The following PTPRT variants were observed in gnomAD, a reference collection of about 807,000 sequenced individuals.
The protein encoded by PTPRT is receptor-type tyrosine-protein phosphatase T.
A neutral mutation model predicts 176.8 loss-of-function variants in PTPRT; 56 were observed. The observed-to-expected ratio is 0.32, with a 90% CI of 0.26 to 0.40. The LOEUF (loss-of-function observed/expected upper bound fraction) is 0.40, where lower values mean the gene tolerates loss of function less well. Ranked by LOEUF, PTPRT falls within the 10% of genes least tolerant of loss-of-function variation. PTPRT has a pLI of 1.00. For synonymous variants in PTPRT, 783 were observed against 739.0 expected, an observed-to-expected ratio of 1.06 and a Z score of -0.96; for missense variants, 1,540 against 1,908.2, an observed-to-expected ratio of 0.81 and a Z score of 3.60.
At chr20:42,528,421 TATCCATTCATTATCCATTC>T (rs901145901) in intron 7 of PTPRT, among the ~76,000 whole-genome samples, 1 of 146,582 alleles carries the variant, frequency 6.8e-6, no homozygotes, top group African/African-American at 2.7e-5. Flanking sequence ...GATAAATGAA[TATCCATTCATTATCCATTC>T]ATCTAATAAA....
intron 8 of PTPRT, among the ~76,000 whole-genome samples, chr20:42,464,682 C>T (rs1366026851): frequency 1.3e-5 from 2 of 152,182 alleles, no homozygotes; most frequent in Admixed American, 1.3e-4. Flanking sequence ...TACAGTGATG[C>T]CTTCAGGACT....
chr20:42,933,343 G>A (rs943117925), intron 1 of PTPRT, among the ~76,000 whole-genome samples: 2 of 152,076 alleles, frequency 1.3e-5, no homozygotes, highest in Admixed American at 6.6e-5. Context: ...GGATCAATTT[G>A]GTCTCCCACA....
At position 43,051,625 on chromosome 20, in the gene PTPRT, T is replaced by TAAAAAAAAAAAAAAAA. The variant is rs35885799; in HGVS notation, c.88+138005_88+138020dup. On this transcript the variant is annotated intron_variant, in intron 1 of 30. Transcript: ENST00000373187. ...TCCTTCCAGCCACACTCTGTAACTG[T>TAAAAAAAAAAAAAAAA]AAAAAAAAAAAAAAAAAAAAAAAAT... is the stretch of plus-strand genomic sequence containing the variant. Among the ~76,000 whole-genome samples the TAAAAAAAAAAAAAAAA allele has an allele frequency of 1.7e-4, 16 of 91,950 alleles. 4 individuals are homozygous for TAAAAAAAAAAAAAAAA. Among genetic ancestry groups the TAAAAAAAAAAAAAAAA allele is most frequent in the African/African-American group, 7.4e-4 (14 of 18,810 alleles). The allele number at this position is 91,950 out of a possible 152,430, so 60.3% of individuals were successfully genotyped here.
chr20:42,053,436 C>T, the PTPRT span, among the ~76,000 whole-genome samples: 139 of 152,292 alleles, frequency 9.1e-4, no homozygotes, highest in African/African-American at 3.2e-3. Flanking sequence ...TCTGGGGACC[C>T]TCCCTGGAAT....
chr20:42,647,762 G>A (rs112268598), intron 7 of PTPRT, among the ~76,000 whole-genome samples: 207 of 152,278 alleles, frequency 1.4e-3, no homozygotes, highest in Middle Eastern at 3.4e-3. Flanking sequence ...CTGTGATACC[G>A]GCTGACGCTC....
At chr20:43,096,504 A>T (rs1311211054) in intron 1 of PTPRT, among the ~76,000 whole-genome samples, 1 of 152,214 alleles carries the variant, frequency 6.6e-6, no homozygotes, top group Admixed American at 6.5e-5. Flanking sequence ...CCCATTCAGC[A>T]GCTGGGCCCC....
At chr20:42,160,659 A>G (rs1211984684) in intron 17 of PTPRT, among the ~76,000 whole-genome samples, 1 of 152,214 alleles carries the variant, frequency 6.6e-6, no homozygotes, top group African/African-American at 2.4e-5. Context: ...TATAAGAAGA[A>G]CAACGTTGTA....
chr20:42,925,008 G>T (rs765277613), intron 1 of PTPRT, among the ~76,000 whole-genome samples: 1 of 152,158 alleles, frequency 6.6e-6, no homozygotes, highest in Non-Finnish European at 1.5e-5. Context: ...GAATTACTGC[G>T]GCTGCATTGA....
chr20:43,153,827 G>C (rs1179395962), intron 1 of PTPRT, among the ~76,000 whole-genome samples: 1 of 152,214 alleles, frequency 6.6e-6, no homozygotes, highest in Non-Finnish European at 1.5e-5. Flanking sequence ...GCTCAGCACA[G>C]AGAAGGCAAG....
chr20:43,188,198 C>T (rs1300377681), intron 1 of PTPRT, among the ~76,000 whole-genome samples: 1 of 152,068 alleles, frequency 6.6e-6, no homozygotes, highest in Non-Finnish European at 1.5e-5. Flanking sequence ...GCACACCTAA[C>T]ACACCCCCCA....
At chr20:42,620,673 C>T (rs1213736876) in intron 7 of PTPRT, among the ~76,000 whole-genome samples, 1 of 152,180 alleles carries the variant, frequency 6.6e-6, no homozygotes, top group African/African-American at 2.4e-5. Context: ...GTCTGAAAAG[C>T]GCAATATTCG....
At chr20:43,017,151 C>T in intron 1 of PTPRT, among the ~76,000 whole-genome samples, 1 of 152,214 alleles carries the variant, frequency 6.6e-6, no homozygotes, top group East Asian at 1.9e-4. Context: ...CTCCTTGCCC[C>T]AACCTAATCC....
At chr20:42,791,092 T>C in intron 3 of PTPRT, 103 bp downstream of exon 3, 3 of 1,390,390 alleles carry the variant, frequency 2.2e-6, no homozygotes, top group Admixed American at 2.4e-5. Context: ...TAAACACGAG[T>C]GAATAAATGA....
At chr20:43,094,442 A>G (rs537645856) in intron 1 of PTPRT, among the ~76,000 whole-genome samples, 52 of 117,412 alleles carry the variant, frequency 4.4e-4, no homozygotes, top group African/African-American at 1.8e-3. Flanking sequence ...CTTGTTGCAC[A>G]GGCTGGAGTG....
At chr20:43,028,516 T>C (rs1305866329) in intron 1 of PTPRT, among the ~76,000 whole-genome samples, 1 of 152,214 alleles carries the variant, frequency 6.6e-6, no homozygotes, top group African/African-American at 2.4e-5. Flanking sequence ...TGAATGCTAC[T>C]ACAAAGTAGA....
At chr20:42,107,068 T>C in intron 23 of PTPRT, 147 bp from the exon 24 acceptor site, 1 of 1,044,218 alleles carries the variant, frequency 9.6e-7, no homozygotes, top group South Asian at 1.9e-5. Flanking sequence ...ATATGTATAG[T>C]TTGTAATGCA....
intron 2 of PTPRT, among the ~76,000 whole-genome samples, chr20:42,796,526 G>A (rs2077457096): frequency 6.6e-6 from 1 of 152,206 alleles, no homozygotes. Flanking sequence ...TTTAGACTCA[G>A]ATTTTCCGAC....
intron 12 of PTPRT, among the ~76,000 whole-genome samples, chr20:42,301,870 G>A (rs909471819): frequency 3.3e-5 from 5 of 152,120 alleles, no homozygotes; most frequent in Non-Finnish European, 7.4e-5. Flanking sequence ...CAAATTTGAC[G>A]ATGGGTTGAT....
At chr20:42,382,112 C>T (rs1343306725) in intron 9 of PTPRT, among the ~76,000 whole-genome samples, 1 of 152,182 alleles carries the variant, frequency 6.6e-6, no homozygotes, top group African/African-American at 2.4e-5. Context: ...CCAAGCTTTG[C>T]ACCCCATTTA....
Sources: gnomAD v4.1 joint callset for allele counts (sites outside exome capture counted in the v4.1 genomes callset) on GRCh38, gnomAD v4.1.1 for gene constraint, MANE v1.5 for transcripts, NCBI Gene and HGNC (gene_info 2026-07-23, HGNC 2026-07-21) for gene names.